Variants in PPFIBP2 observed in about 807,000 individuals in gnomAD.
PPFIBP2 encodes liprin-beta-2.
A neutral mutation model predicts 118.3 loss-of-function variants in PPFIBP2; 118 were observed. The observed-to-expected ratio is 1.00, with a 90% confidence interval of 0.86 to 1.16. PPFIBP2 has a LOEUF of 1.16. PPFIBP2 is among the 50% of genes most tolerant of loss of function. PPFIBP2 has a pLI of 0.00. For synonymous variants in PPFIBP2, 414 were observed against 397.4 expected (o/e 1.04, Z -0.50); for missense variants, 1,195 against 1,073.1 (o/e 1.11, Z -1.59).
At chr11:7,656,899 G>C (rs750593798), downstream of PPFIBP2, 1 of 870,318 alleles carries the variant, frequency 1.1e-6, no homozygotes, top group Non-Finnish European at 1.6e-6. Context: ...AGCCCAGTCC[G>C]GGCTGGCAGG....
the PPFIBP2 span, chr11:7,665,914 G>A: frequency 4.0e-4 from 612 of 1,536,110 alleles, 10 homozygotes; most frequent in South Asian, 6.6e-3. Context: ...TGCTCAGTAG[G>A]GTAGCGCCCT....
At chr11:7,652,992 C>T (rs896090955) in intron 23 of PPFIBP2, 32 bp from the exon 24 acceptor site, 6 of 1,583,884 alleles carry the variant, frequency 3.8e-6, no homozygotes, top group African/African-American at 2.7e-5. Flanking sequence ...CCTTGATTGC[C>T]TTCTCATAAT....
intron 17 of PPFIBP2, among the ~76,000 whole-genome samples, chr11:7,646,160 T>C (rs1470681952): frequency 1.3e-5 from 2 of 152,232 alleles, no homozygotes; most frequent in African/African-American, 4.8e-5. Flanking sequence ...TTGAAATTTC[T>C]TGCTGAGTTT....
At position 7,521,961 on chromosome 11, in the gene PPFIBP2, A is replaced by T. The variant is rs191390722; in HGVS notation, c.-37+7840A>T. On this transcript the variant is annotated intron_variant, in intron 1 of 23. Coordinates refer to ENST00000299492, the MANE Select transcript of PPFIBP2 (RefSeq NM_003621.5). ...TGGAGTCCCAGGCTGGGAAGAGATC[A>T]TGGAAGGCCTTGAAAGTTGGAGCTA... Among the ~76,000 whole-genome samples the T allele has an allele frequency of 2.2e-4, 34 of 152,322 alleles. No individual in the cohort carries two copies. In the East Asian group the frequency reaches 6.2e-3, roughly 28 times the overall value.
intron 6 of PPFIBP2, among the ~76,000 whole-genome samples, chr11:7,611,402 G>A (rs931127968): frequency 6.6e-6 from 1 of 152,224 alleles, no homozygotes; most frequent in Admixed American, 6.5e-5. Flanking sequence ...CAGCATTAGT[G>A]CATACTGACA....
rs749044269 is a variant in PPFIBP2 at position 7,653,074 on chromosome 11, C to T, written c.2487C>T (p.Phe829=). The change falls in exon 24 of 24, where the codon TTC becomes TTT. Residue 829 remains phenylalanine (F), a synonymous_variant. Coordinates refer to ENST00000299492, the MANE Select transcript of PPFIBP2 (RefSeq NM_003621.5). ...TCGGAAACATAAGAAAAAAGAAGTTCGATGAATCGACGGACTACATTTGCC... is the reference window on the plus strand; with the variant it reads ...TCGGAAACATAAGAAAAAAGAAGTTTGATGAATCGACGGACTACATTTGCC... The part of the protein sequence containing the change: ...SHFGNIRKKK[F]DESTDYICPM... The T allele has an allele frequency of 1.3e-5, 21 of 1,613,402 alleles. No individual in the cohort carries two copies. The highest frequency in any genetic ancestry group is 3.3e-5 in the Admixed American group (2 of 60,008).
At chr11:7,651,248 C>A (rs1853960596) in intron 22 of PPFIBP2, 1 of 349,542 alleles carries the variant, frequency 2.9e-6, no homozygotes, top group Non-Finnish European at 5.1e-6. Context: ...GAGGGAACAG[C>A]AGGGCTGAGG....
chr11:7,619,017 C>G (rs2135588966), intron 6 of PPFIBP2, among the ~76,000 whole-genome samples: 1 of 151,676 alleles, frequency 6.6e-6, no homozygotes, highest in Non-Finnish European at 1.5e-5. Flanking sequence ...TGGATTATCT[C>G]AGAAGGCCAA....
intron 2 of PPFIBP2, among the ~76,000 whole-genome samples, chr11:7,564,867 TAC>T (rs1854772067): frequency 6.6e-6 from 1 of 152,204 alleles, no homozygotes; most frequent in Non-Finnish European, 1.5e-5. Flanking sequence ...CCAGAGCTGG[TAC>T]AGAGTCACTT....
intron 6 of PPFIBP2, among the ~76,000 whole-genome samples, chr11:7,612,933 A>T (rs565477484): frequency 3.3e-5 from 5 of 152,310 alleles, no homozygotes; most frequent in African/African-American, 9.6e-5. Flanking sequence ...GTGCATGGAG[A>T]TGTTTATTTT....
intron 2 of PPFIBP2, among the ~76,000 whole-genome samples, chr11:7,555,366 TG>T: frequency 6.6e-6 from 1 of 152,288 alleles, no homozygotes; most frequent in Non-Finnish European, 1.5e-5. Flanking sequence ...GATTAGCGTC[TG>T]GGTTTGTAAA....
chr11:7,597,527 G>A (rs901431062), intron 4 of PPFIBP2, 33 bp from the exon 5 acceptor site: 1 of 1,592,504 alleles, frequency 6.3e-7, no homozygotes, highest in African/African-American at 1.3e-5. Context: ...TCAAATCCCT[G>A]GTCCTCCACC....
rs1251033575 is a variant in PPFIBP2 at position 7,563,030 on chromosome 11, C to T, written c.65-2523C>T. ...CTTGGCACAGATATACATGTACTCA[C>T]ATACATGTACACACGCATACTCTGA... On this transcript the variant is annotated intron_variant, in intron 2 of 23. Coordinates refer to ENST00000299492, the MANE Select transcript of PPFIBP2 (RefSeq NM_003621.5). Among the ~76,000 whole-genome samples the T allele has an allele frequency of 5.4e-5, 8 of 148,330 alleles. No individual in the cohort carries two copies. In the East Asian group the frequency reaches 1.6e-3, roughly 30 times the overall value.
intron 13 of PPFIBP2, 80 bp from the exon 14 acceptor site, chr11:7,635,472 T>A: frequency 7.5e-7 from 1 of 1,341,968 alleles, no homozygotes; most frequent in South Asian, 1.2e-5. Flanking sequence ...AGCAAACAGG[T>A]AGTCCTGAGT....
At chr11:7,641,406 C>T in intron 15 of PPFIBP2, 73 bp from the exon 16 acceptor site, 1 of 1,534,180 alleles carries the variant, frequency 6.5e-7, no homozygotes, top group South Asian at 1.2e-5. Flanking sequence ...AAGGGGAGGG[C>T]CCAGGCTTGG....
chr11:7,597,366 C>G, intron 4 of PPFIBP2, 194 bp from the exon 5 acceptor site: 1 of 1,536,068 alleles, frequency 6.5e-7, no homozygotes, highest in Non-Finnish European at 8.7e-7. Context: ...CCGAGACTCC[C>G]TGGTAAGGTA....
At chr11:7,629,619 G>T (rs1164859341) in intron 10 of PPFIBP2, 85 bp downstream of exon 10, 3 of 1,324,288 alleles carry the variant, frequency 2.3e-6, no homozygotes, top group East Asian at 4.6e-5. Context: ...GCTAGCAGCT[G>T]TTTCACCTCT....
chr11:7,522,677 T>C (rs1849863350), intron 1 of PPFIBP2, among the ~76,000 whole-genome samples: 1 of 152,176 alleles, frequency 6.6e-6, no homozygotes, highest in Non-Finnish European at 1.5e-5. Context: ...GCTGGAGTCT[T>C]ATAGGTCAAG....
At chr11:7,665,347 T>C in the PPFIBP2 span, 2 of 1,478,096 alleles carry the variant, frequency 1.4e-6, no homozygotes, top group Non-Finnish European at 9.0e-7. Flanking sequence ...AAAAGGGACA[T>C]GCAAAATTGC....
Sources: gnomAD v4.1 joint callset for allele counts (sites outside exome capture counted in the v4.1 genomes callset) on GRCh38, gnomAD v4.1.1 for gene constraint, MANE v1.5 for transcripts, NCBI Gene and HGNC (gene_info 2026-07-23, HGNC 2026-07-21) for gene names.